TRIML1: variants seen among roughly 807,000 people sequenced by gnomAD.
TRIML1 encodes the protein tripartite motif family like 1.
A neutral mutation model predicts 32.3 loss-of-function variants in TRIML1; 34 were observed. The observed-to-expected ratio is 1.05, with a 90% confidence interval of 0.80 to 1.40. TRIML1 has a LOEUF of 1.40. TRIML1 is among the 40% of genes most tolerant of loss of function. The pLI is 0.00. For missense variants in TRIML1, 595 were observed against 574.9 expected (o/e 1.03, Z -0.36); for synonymous variants, 244 against 226.6 (o/e 1.08, Z -0.69).
chr4:188,138,027 AC>A (rs1190369651), upstream of TRIML1, among the ~76,000 whole-genome samples: 6 of 150,158 alleles, frequency 4.0e-5, no homozygotes, highest in East Asian at 1.2e-3. Flanking sequence ...TCATGATGCC[AC>A]CCTGATGCCA....
rs1735101288 is a variant in TRIML1, at chr4:188,146,846, C to G, written c.881C>G (p.Thr294Arg). ...FSTEITLDPA[T>R]ANAYLVLSED... Reference sequence around the variant, plus strand: ...GCGGAGATAACGCTGGACCCAGCCACAGCTAATGCCTATCTCGTGTTGTCG... The same window carrying G: ...GCGGAGATAACGCTGGACCCAGCCAGAGCTAATGCCTATCTCGTGTTGTCG... The change falls in exon 6 of 6, where the codon ACA (threonine) becomes AGA (arginine). Residue 294 changes from threonine (T) to arginine (R), a missense_variant. Coordinates refer to ENST00000332517, the MANE Select transcript of TRIML1 (RefSeq NM_178556.5). The G allele has an allele frequency of 1.4e-6, 2 of 1,412,650 alleles. No individual in the cohort carries two copies. Among genetic ancestry groups the G allele is most frequent in the Non-Finnish European group, 1.9e-6 (2 of 1,079,288 alleles). The allele number at this position is 1,412,650 out of a possible 1,614,324, so 87.5% of individuals were successfully genotyped here.
rs577028611 is a variant in TRIML1 at position 188,147,347 on chromosome 4, T to C, written c.1382T>C (p.Ile461Thr). The change falls in exon 6 of 6, where the codon ATC becomes ACC. Residue 461 changes from isoleucine (I) to threonine (T), a missense_variant. Physicochemically the swap from Ile to Thr is moderately conservative, Grantham distance 89. Coordinates refer to ENST00000332517, the MANE Select transcript of TRIML1 (RefSeq NM_178556.5). ...GGGACAAACACAGACCCTCTCACCATCTGCTCACTGAACAGCCACGTCTGA... is the reference window on the plus strand; with the variant it reads ...GGGACAAACACAGACCCTCTCACCACCTGCTCACTGAACAGCCACGTCTGA... ...NEGTNTDPLTICSLNSHV is the reference protein window; with the variant it reads ...NEGTNTDPLTTCSLNSHV 6.6e-7 allele frequency: 1 copy of C among 1,508,534 alleles called. No homozygotes were observed. The highest frequency in any genetic ancestry group is 8.8e-7 in the Non-Finnish European group (1 of 1,130,064). 93.4% of individuals were successfully genotyped at this position (1,508,534 alleles called of 1,614,324 possible).
At chr4:188,148,349 C>T (rs1735160633), downstream of TRIML1, among the ~76,000 whole-genome samples, 2 of 145,964 alleles carry the variant, frequency 1.4e-5, no homozygotes, top group Non-Finnish European at 3.0e-5. Flanking sequence ...CAAAAATTAG[C>T]TGGGCATGAT....
chr4:188,141,170 T>TTTTTTTTTTTTG (rs1734839773), intron 2 of TRIML1, among the ~76,000 whole-genome samples: 1 of 146,254 alleles, frequency 6.8e-6, no homozygotes, highest in Non-Finnish European at 1.5e-5. Context: ...AATCTGTTTT[T>TTTTTTTTTTTTG]TTTTTTTTTT....
rs754466279 is a variant in TRIML1, at chr4:188,146,844, C to A, written c.879C>A (p.Ala293=). The A allele has an allele frequency of 2.8e-5, 39 of 1,403,466 alleles. No homozygotes were observed. Among genetic ancestry groups the A allele is most frequent in the African/African-American group, 4.4e-5 (3 of 68,826 alleles). The allele number at this position is 1,403,466 out of a possible 1,614,324, so 86.9% of individuals were successfully genotyped here. Reference sequence around the variant, plus strand: ...CAGCGGAGATAACGCTGGACCCAGCCACAGCTAATGCCTATCTCGTGTTGT... The same window carrying A: ...CAGCGGAGATAACGCTGGACCCAGCAACAGCTAATGCCTATCTCGTGTTGT... The part of the protein sequence containing the change: ...KFSTEITLDP[A]TANAYLVLSE... Residue 293 remains alanine (A), a synonymous_variant, in exon 6 of 6, where the codon GCC becomes GCA. Coordinates refer to ENST00000332517, the MANE Select transcript of TRIML1 (RefSeq NM_178556.5).
rs1438479640 is a variant in TRIML1 at position 188,142,278 on chromosome 4, T to G, written c.531T>G (p.Val177=). 1 of 1,611,180 alleles carries G rather than the reference T, an allele frequency of 6.2e-7. No individual in the cohort carries two copies. The highest frequency in any genetic ancestry group is 8.5e-7 in the Non-Finnish European group (1 of 1,179,558). Residue 177 remains valine, a synonymous_variant, in exon 3 of 6, where the codon GTT becomes GTG. Transcript: ENST00000332517. ...AAGAAACAAAGACTTGTAAACAGGT[T>G]GTTGTGTCAGAATACATGAAAATGC... ...CQEETKTCKQ[V]VVSEYMKMHQ... is the part of the protein sequence containing the mutation.
At chr4:188,143,632 A>G in intron 3 of TRIML1, 1 of 663,030 alleles carries the variant, frequency 1.5e-6, no homozygotes, top group Non-Finnish European at 2.7e-6. Flanking sequence ...AGTATTCTCT[A>G]GTCATTGTGA....
rs761736958 is a variant in TRIML1 at position 188,147,100 on chromosome 4, A to G, written c.1135A>G (p.Ile379Val). 1 of 1,614,034 alleles carries G rather than the reference A, an allele frequency of 6.2e-7. No individual in the cohort carries two copies. The stretch of plus-strand genomic sequence containing the variant: ...GCCACCTGGGGACCTGTTCTCACTA[A>G]TAGGTTTAAAAATCGGAGATGATTA... The part of the protein sequence containing the change: ...PKPPGDLFSL[I>V]GLKIGDDYSL... The change falls in exon 6 of 6, where the codon ATA becomes GTA. Residue 379 changes from isoleucine (I) to valine (V), a missense_variant. Ile to Val is a conservative substitution (Grantham distance 29, BLOSUM62 3). Transcript: ENST00000332517.
At chr4:188,138,180 T>C (rs1399894110), upstream of TRIML1, among the ~76,000 whole-genome samples, 1 of 152,098 alleles carries the variant, frequency 6.6e-6, no homozygotes, top group Non-Finnish European at 1.5e-5. Flanking sequence ...AAAGGTGAGT[T>C]TTGACTAGGA....
rs780034738 is a variant in TRIML1 at position 188,139,532 on chromosome 4, C to G, written c.-27C>G. On this transcript the variant is annotated 5_prime_UTR_variant, in exon 1 of 6. Coordinates refer to ENST00000332517, the MANE Select transcript of TRIML1 (RefSeq NM_178556.5). ...TGCTAATCCCAGAACAGAGGTGTAA[C>G]CTGGCTGCATATCCAGCCTCGAGAA... The G allele has an allele frequency of 1.9e-5, 30 of 1,547,388 alleles. No individual in the cohort carries two copies. The highest frequency in any genetic ancestry group is 9.6e-6 in the Non-Finnish European group (11 of 1,144,422).
rs762990748 is a variant in TRIML1 at position 188,147,205 on chromosome 4, G to A, written c.1240G>A (p.Glu414Lys). 1.2e-6 allele frequency: 2 copies of A among 1,613,818 alleles called. No homozygotes were observed. Among genetic ancestry groups the A allele is most frequent in the Non-Finnish European group, 1.7e-6 (2 of 1,179,914 alleles). ...TAAGGTTGGTGTCTTCCTGGACTAT[G>A]AATCTGGACATATAGCATTCTACAA... ...VCKVGVFLDY[E>K]SGHIAFYNGT... is the part of the protein sequence containing the mutation. The change falls in exon 6 of 6, where the codon GAA becomes AAA. Residue 414 changes from glutamate (E) to lysine (K), a missense_variant. Glu to Lys is a moderately conservative substitution (Grantham distance 56, BLOSUM62 1). Transcript: ENST00000332517.
intron 5 of TRIML1, among the ~76,000 whole-genome samples, chr4:188,144,419 G>T (rs1466673649): frequency 3.5e-4 from 52 of 150,128 alleles, no homozygotes; most frequent in African/African-American, 1.2e-3. Context: ...CTGGAGCGCA[G>T]GGGCGCGATC....
At chr4:188,141,312 C>T (rs570866266) in intron 2 of TRIML1, among the ~76,000 whole-genome samples, 3 of 151,846 alleles carry the variant, frequency 2.0e-5, no homozygotes, top group African/African-American at 4.8e-5. Context: ...GGATTACAGA[C>T]GTGTGCCACC....
intron 5 of TRIML1, among the ~76,000 whole-genome samples, chr4:188,144,592 G>C (rs995523156): frequency 6.6e-6 from 1 of 150,756 alleles, no homozygotes; most frequent in South Asian, 2.1e-4. Context: ...TCGATCTCCT[G>C]ACCTCGTGAT....
intron 5 of TRIML1, among the ~76,000 whole-genome samples, chr4:188,146,267 A>C (rs1386560098): frequency 6.6e-6 from 1 of 152,158 alleles, no homozygotes; most frequent in Non-Finnish European, 1.5e-5. Flanking sequence ...AGCGACGCCC[A>C]TTCCACCCAC....
chr4:188,145,010 G>C (rs146006153), intron 5 of TRIML1, among the ~76,000 whole-genome samples: 1 of 152,118 alleles, frequency 6.6e-6, no homozygotes, highest in African/African-American at 2.4e-5. Context: ...TGGGCTCTGC[G>C]CTTACTTACA....
chr4:188,138,705 G>A (rs769121667), upstream of TRIML1, among the ~76,000 whole-genome samples: 5 of 152,102 alleles, frequency 3.3e-5, no homozygotes, highest in Non-Finnish European at 4.4e-5. Flanking sequence ...TTTTCAATGG[G>A]TGAAAATAAG....
intron 2 of TRIML1, among the ~76,000 whole-genome samples, chr4:188,141,853 C>T (rs1273512595): frequency 6.6e-6 from 1 of 152,088 alleles, no homozygotes; most frequent in African/African-American, 2.4e-5. Context: ...TGGCCCACAC[C>T]TGTAATCCCA....
downstream of TRIML1, among the ~76,000 whole-genome samples, chr4:188,148,116 C>T (rs143386906): frequency 1.1e-4 from 16 of 152,124 alleles, no homozygotes; most frequent in Non-Finnish European, 1.0e-4. Context: ...ATATAAGGTT[C>T]TTTTCGGTGC....
Sources: gnomAD v4.1 joint callset for allele counts (sites outside exome capture counted in the v4.1 genomes callset) on GRCh38, gnomAD v4.1.1 for gene constraint, MANE v1.5 for transcripts, NCBI Gene and HGNC (gene_info 2026-07-23, HGNC 2026-07-21) for gene names.